The following VTI1A variants were observed in gnomAD, a reference collection of about 807,000 sequenced individuals.
VTI1A encodes vesicle transport through interaction with t-SNAREs homolog 1A.
In VTI1A, 22 loss-of-function variants were observed where a neutral mutation model predicts 34.9. That is an observed-to-expected ratio of 0.63 (90% CI 0.45 to 0.90). The LOEUF is 0.90. Ranked by LOEUF, VTI1A falls within the 40% of genes least tolerant of loss-of-function variation. The probability of loss-of-function intolerance (pLI) is 0.00; values close to 1 mark genes in which losing one functional copy is unlikely to be tolerated. For missense variants in VTI1A, 268 were observed against 275.6 expected (o/e 0.97, Z 0.20); for synonymous variants, 87 against 97.3 (o/e 0.89, Z 0.62).
chr10:112,736,111 G>GTATATATATATATATATATATATATA (rs372188173), intron 7 of VTI1A, among the ~76,000 whole-genome samples: 2 of 116,188 alleles, frequency 1.7e-5, no homozygotes, highest in Admixed American at 8.7e-5. Context: ...ATGTGTGTGT[G>GTATATATATATATATATATATATATA]TATATATATA....
intron 1 of VTI1A, among the ~76,000 whole-genome samples, chr10:112,458,950 G>A (rs1847637727): frequency 6.6e-6 from 1 of 152,134 alleles, no homozygotes; most frequent in African/African-American, 2.4e-5. Flanking sequence ...ACAGGCGTGA[G>A]CCACCGCGCC....
intron 7 of VTI1A, chr10:112,736,755 C>T (rs190056518): frequency 3.9e-6 from 6 of 1,548,110 alleles, no homozygotes; most frequent in African/African-American, 1.4e-5. Context: ...TGTAACCTGT[C>T]TCTGGCCCCA....
intron 5 of VTI1A, among the ~76,000 whole-genome samples, chr10:112,573,810 A>C (rs139744462): frequency 2.0e-5 from 3 of 152,270 alleles, no homozygotes; most frequent in Non-Finnish European, 4.4e-5. Context: ...AAAAGTTTGT[A>C]ATGTTTATTA....
intron 5 of VTI1A, among the ~76,000 whole-genome samples, chr10:112,662,609 T>G (rs187005100): frequency 3.3e-5 from 5 of 152,358 alleles, no homozygotes; most frequent in African/African-American, 1.2e-4. Context: ...AAAATCTTTA[T>G]GTGCTAACTG....
rs1851227042 is a variant in VTI1A, at chr10:112,548,632, A to T, written c.427+10302A>T. 24 of 1,045,632 alleles carry T rather than the reference A, an allele frequency of 2.3e-5. No homozygotes were observed. In the South Asian group the frequency reaches 3.0e-4, roughly 13 times the overall value. The allele number at this position is 1,045,632 out of a possible 1,614,324, so 64.8% of individuals were successfully genotyped here. A position where few individuals can be genotyped will look rare whatever the true frequency, so the allele number is the denominator to read the frequency against. On this transcript the variant is annotated intron_variant, in intron 5 of 7. Coordinates refer to ENST00000393077, the MANE Select transcript of VTI1A (RefSeq NM_145206.4). ...ATAATGAATAAGATAATATTCATTT[A>T]GCCTTCTGAGCTTTCTGGGAAGACT...
intron 7 of VTI1A, among the ~76,000 whole-genome samples, chr10:112,720,217 G>A (rs1173359464): frequency 9.9e-5 from 15 of 152,136 alleles, no homozygotes; most frequent in Non-Finnish European, 2.2e-4. Context: ...ATTTCTCCTT[G>A]CTGCCTACTT....
chr10:112,506,373 T>A (rs1849428101), intron 3 of VTI1A, among the ~76,000 whole-genome samples: 1 of 152,210 alleles, frequency 6.6e-6, no homozygotes, highest in African/African-American at 2.4e-5. Context: ...TAGGGTTTGG[T>A]GTTATCTGAG....
chr10:112,805,608 G>A (rs919366117), intron 7 of VTI1A, among the ~76,000 whole-genome samples: 1 of 152,212 alleles, frequency 6.6e-6, no homozygotes, highest in Non-Finnish European at 1.5e-5. Flanking sequence ...GTTAAGATGA[G>A]GTACGGGAAT....
chr10:112,547,435 GGCGTGGT>G (rs1851172452), intron 5 of VTI1A, among the ~76,000 whole-genome samples: 1 of 151,994 alleles, frequency 6.6e-6, no homozygotes, highest in Non-Finnish European at 1.5e-5. Flanking sequence ...AAATTAGTTG[GGCGTGGT>G]GGTTACATGC....
At chr10:112,506,698 G>T (rs1290016396) in intron 3 of VTI1A, among the ~76,000 whole-genome samples, 1 of 152,154 alleles carries the variant, frequency 6.6e-6, no homozygotes, top group African/African-American at 2.4e-5. Flanking sequence ...TCTTATTGGA[G>T]TTCTTTTTTC....
intron 7 of VTI1A, among the ~76,000 whole-genome samples, chr10:112,799,157 C>T (rs528583273): frequency 6.6e-6 from 1 of 152,146 alleles, no homozygotes; most frequent in African/African-American, 2.4e-5. Context: ...GAACTTCAGG[C>T]TTCTGAGAGC....
chr10:112,596,985 T>C (rs1844670941), intron 5 of VTI1A, among the ~76,000 whole-genome samples: 1 of 152,216 alleles, frequency 6.6e-6, no homozygotes, highest in Non-Finnish European at 1.5e-5. Context: ...TTCGTTTGAA[T>C]GTATGCTCAG....
chr10:112,642,267 C>T (rs1004705981), intron 5 of VTI1A, among the ~76,000 whole-genome samples: 2 of 152,022 alleles, frequency 1.3e-5, no homozygotes, highest in Non-Finnish European at 2.9e-5. Context: ...ATAATAATGG[C>T]TTCAAATAAA....
chr10:112,646,319 G>C (rs1421095380), intron 5 of VTI1A, among the ~76,000 whole-genome samples: 1 of 152,100 alleles, frequency 6.6e-6, no homozygotes, highest in Non-Finnish European at 1.5e-5. Context: ...TGTCTTCTAA[G>C]ATTTGAAAAG....
chr10:112,699,459 A>G (rs980756550), intron 7 of VTI1A, among the ~76,000 whole-genome samples: 1 of 152,390 alleles, frequency 6.6e-6, no homozygotes, highest in East Asian at 1.9e-4. Flanking sequence ...TTAGAATTCA[A>G]TGGTGATATT....
At chr10:112,738,003 T>A (rs1329428939) in intron 7 of VTI1A, 2 of 555,460 alleles carry the variant, frequency 3.6e-6, no homozygotes, top group Non-Finnish European at 4.6e-6. Context: ...TCAAGATGAG[T>A]GTCTTGTCTG....
intron 5 of VTI1A, among the ~76,000 whole-genome samples, chr10:112,588,243 A>T (rs147596528): frequency 9.3e-4 from 141 of 152,264 alleles, no homozygotes; most frequent in African/African-American, 3.2e-3. Flanking sequence ...AAAGCAATAA[A>T]CTATAGTTTG....
At chr10:112,827,927 T>C in the VTI1A span, among the ~76,000 whole-genome samples, 1 of 152,142 alleles carries the variant, frequency 6.6e-6, no homozygotes, top group Non-Finnish European at 1.5e-5. Flanking sequence ...TTATTTTTCT[T>C]TAATTTCCCA....
At chr10:112,772,870 C>A (rs74857830) in intron 7 of VTI1A, among the ~76,000 whole-genome samples, 2 of 152,132 alleles carry the variant, frequency 1.3e-5, no homozygotes, top group African/African-American at 4.8e-5. Context: ...ATTGGTCAGT[C>A]GGAACAAAAC....
Sources: gnomAD v4.1 joint callset for allele counts (sites outside exome capture counted in the v4.1 genomes callset) on GRCh38, gnomAD v4.1.1 for gene constraint, MANE v1.5 for transcripts, NCBI Gene and HGNC (gene_info 2026-07-23, HGNC 2026-07-21) for gene names.